The following EXOC2 variants were observed in gnomAD, a reference collection of about 807,000 sequenced individuals.
EXOC2 encodes the protein SEC5-like 1.
In EXOC2, 70 loss-of-function variants were observed where a neutral mutation model predicts 131.8. The ratio of observed to expected loss-of-function variants is 0.53; its 90% CI spans 0.44 to 0.65. EXOC2 has a LOEUF of 0.65. Ranked by LOEUF, EXOC2 falls within the 30% of genes least tolerant of loss-of-function variation. The pLI is 0.00. For synonymous variants in EXOC2, 411 were observed against 398.4 expected (o/e 1.03, Z -0.38); for missense variants, 923 against 1,108.6 (o/e 0.83, Z 2.38).
chr6:496,809 GGCACT>G (rs1763770089), intron 25 of EXOC2, among the ~76,000 whole-genome samples: 1 of 152,314 alleles, frequency 6.6e-6, no homozygotes, highest in Non-Finnish European at 1.5e-5. Flanking sequence ...CTGGACGAAG[GGCACT>G]GCTTTTTGAA....
chr6:612,939 A>G (rs1581554893), intron 6 of EXOC2, among the ~76,000 whole-genome samples: 1 of 151,804 alleles, frequency 6.6e-6, no homozygotes, highest in Non-Finnish European at 1.5e-5. Flanking sequence ...CACTAAATGC[A>G]CAAGCTCAAG....
intron 2 of EXOC2, among the ~76,000 whole-genome samples, chr6:637,185 C>G (rs1340644094): frequency 1.3e-5 from 2 of 152,168 alleles, no homozygotes; most frequent in Non-Finnish European, 2.9e-5. Context: ...AAAAACTAAA[C>G]TTTGGCTCGC....
At chr6:630,382 A>C (rs1460700309) in intron 3 of EXOC2, among the ~76,000 whole-genome samples, 1 of 152,274 alleles carries the variant, frequency 6.6e-6, no homozygotes, top group Admixed American at 6.5e-5. Flanking sequence ...TATTCAAGAG[A>C]ATATTCTGAA....
chr6:655,462 T>TG, intron 1 of EXOC2, among the ~76,000 whole-genome samples: 1 of 152,378 alleles, frequency 6.6e-6, no homozygotes, highest in East Asian at 1.9e-4. Context: ...TGCAGTGGTC[T>TG]GGAACCAAAC....
intron 23 of EXOC2, among the ~76,000 whole-genome samples, chr6:519,040 G>C (rs2050132): frequency 0.96 from 140,982 of 147,364 alleles, 67,529 homozygotes; most frequent in East Asian, 1. Flanking sequence ...ACACAGAACC[G>C]CGTGAGGGAT....
intron 23 of EXOC2, among the ~76,000 whole-genome samples, chr6:507,941 TTGTAAAGAACACAG>T (rs1339263641): frequency 4.6e-5 from 7 of 152,230 alleles, no homozygotes; most frequent in Admixed American, 3.9e-4. Flanking sequence ...TAAATGCTCA[TTGTAAAGAACACAG>T]TTGCCCAATA....
chr6:579,878 C>T (rs2127604916), intron 11 of EXOC2, among the ~76,000 whole-genome samples: 1 of 151,942 alleles, frequency 6.6e-6, no homozygotes, highest in African/African-American at 2.4e-5. Flanking sequence ...GTAAGCATTT[C>T]TATAAAAAAA....
At chr6:573,568 T>C (rs554785091) in intron 12 of EXOC2, among the ~76,000 whole-genome samples, 41 of 152,280 alleles carry the variant, frequency 2.7e-4, no homozygotes, top group South Asian at 8.3e-4. Context: ...TGGGCCAGGC[T>C]AATTGCTAGC....
intron 11 of EXOC2, among the ~76,000 whole-genome samples, chr6:585,030 A>G (rs959609930): frequency 6.6e-5 from 10 of 152,190 alleles, no homozygotes; most frequent in Admixed American, 5.2e-4. Flanking sequence ...TTTTGGACCT[A>G]TTTCACAGGA....
chr6:572,717 AC>A (rs1758354712), intron 12 of EXOC2, 73 bp from the exon 13 acceptor site: 12 of 1,519,422 alleles, frequency 7.9e-6, no homozygotes, highest in African/African-American at 1.4e-5. Flanking sequence ...ATATTGGCGC[AC>A]CCCCCTCCAC....
chr6:492,746 G>A (rs1003383151), intron 25 of EXOC2, among the ~76,000 whole-genome samples: 8 of 152,294 alleles, frequency 5.3e-5, no homozygotes, highest in African/African-American at 1.9e-4. Flanking sequence ...GGGGGAAAGG[G>A]TGGTTTGGGA....
chr6:558,275 C>A (rs1757526809), intron 17 of EXOC2, among the ~76,000 whole-genome samples: 1 of 152,096 alleles, frequency 6.6e-6, no homozygotes, highest in South Asian at 2.1e-4. Context: ...CACTTTGAAA[C>A]CACCAGAGGG....
At position 656,719 on chromosome 6, in the gene EXOC2, C is replaced by T. The variant is rs371301949; in HGVS notation, c.-43-18858G>A. On this transcript the variant is annotated intron_variant, in intron 1 of 27. Transcript: ENST00000230449. ...GCCGTCAGCTCCAGGTGGATCTCAT[C>T]GAGATCTTCCGAGACACCTTCCATG... 12 of 1,595,768 alleles carry T rather than the reference C, an allele frequency of 7.5e-6. No individual in the cohort carries two copies. The East Asian group carries it at 1.8e-4, about 24-fold the overall frequency.
chr6:637,688 C>CCT lies in EXOC2; in HGVS notation c.118+11_118+12dup. 1 of 1,602,564 alleles carries CCT rather than the reference C, an allele frequency of 6.2e-7. No homozygotes were observed. The highest frequency in any genetic ancestry group is 8.5e-7 in the Non-Finnish European group (1 of 1,174,282). ...CCGATTAGCAGGGTGCGTCGCAGGG[C>CCT]CTCTGCCCTTACCTATGAGGTCGGT... On this transcript the variant is annotated intron_variant, in intron 2 of 27. Coordinates refer to ENST00000230449, the MANE Select transcript of EXOC2 (RefSeq NM_018303.6).
intron 1 of EXOC2, among the ~76,000 whole-genome samples, chr6:658,642 ATT>A (rs1185162131): frequency 8.9e-6 from 1 of 112,272 alleles, no homozygotes; most frequent in African/African-American, 3.3e-5. Flanking sequence ...ATATATATAT[ATT>A]TTATATATAT....
chr6:557,603 G>A (rs556320190), intron 17 of EXOC2, among the ~76,000 whole-genome samples: 2 of 114,778 alleles, frequency 1.7e-5, no homozygotes, highest in South Asian at 2.9e-4. Context: ...GGGTGACAGA[G>A]AGAGACTTCA....
At position 598,888 on chromosome 6, in the gene EXOC2, C is replaced by T. The variant is rs202240202; in HGVS notation, c.942G>A (p.Gly314=). 4.8e-4 allele frequency: 769 copies of T among 1,611,442 alleles called. 1 individual carries two copies. Among genetic ancestry groups the T allele is most frequent in the Non-Finnish European group, 6.3e-4 (740 of 1,179,338 alleles). The change falls in exon 9 of 28, where the codon GGG becomes GGA. Residue 314 remains glycine (G), a synonymous_variant. Transcript: ENST00000230449. ...NDYEKAKSLF[G]KTEVQVFKKY... ...TCTTGAAAACTTGCACCTCCGTTTT[C>T]CCAAAAAGTGACTTGGCCTTTTCAT...
intron 13 of EXOC2, among the ~76,000 whole-genome samples, chr6:565,439 C>G (rs1248073446): frequency 6.6e-6 from 1 of 152,094 alleles, no homozygotes; most frequent in African/African-American, 2.4e-5. Context: ...TGTTTGTTTA[C>G]TGATATAACT....
In EXOC2 at chr6:488,326, C is replaced by T. The variant is rs1375442812; in HGVS notation, c.2681+653G>A. Among the ~76,000 whole-genome samples the T allele has an allele frequency of 1.4e-4, 21 of 152,294 alleles. No individual in the cohort carries two copies. The East Asian group carries it at 2.1e-3, about 15-fold the overall frequency. ...ATGGGCCCGGCAGCCACGTGCAGGG[C>T]GGGTGGTGAAGGAATGAAGACTGCC... On this transcript the variant is annotated intron_variant, in intron 27 of 27. Coordinates refer to ENST00000230449, the MANE Select transcript of EXOC2 (RefSeq NM_018303.6).
Sources: gnomAD v4.1 joint callset for allele counts (sites outside exome capture counted in the v4.1 genomes callset) on GRCh38, gnomAD v4.1.1 for gene constraint, MANE v1.5 for transcripts, NCBI Gene and HGNC (gene_info 2026-07-23, HGNC 2026-07-21) for gene names.